The following OR7E24 variants were observed in gnomAD, a reference collection of about 807,000 sequenced individuals.
OR7E24 encodes olfactory receptor family 7 subfamily E member 24, also known as olfactory receptor 7E24.
For missense variants in OR7E24, 385 were observed against 410.3 expected, an observed-to-expected ratio of 0.94 and a Z score of 0.53; for synonymous variants, 130 against 157.5, an observed-to-expected ratio of 0.83 and a Z score of 1.31.
chr19:9,247,587 G>A (rs2066134061), upstream of OR7E24: 1 of 398,616 alleles, frequency 2.5e-6, no homozygotes. Context: ...TGGGGTGGCA[G>A]ATGGGAGGAC....
At chr19:9,247,226 G>T, upstream of OR7E24, 1 of 366,112 alleles carries the variant, frequency 2.7e-6, no homozygotes, top group Non-Finnish European at 4.8e-6. Flanking sequence ...GTTAATATGG[G>T]GCAGTCCTTA....
chr19:9,233,648 C>T, the OR7E24 span, among the ~76,000 whole-genome samples: 1 of 152,170 alleles, frequency 6.6e-6, no homozygotes, highest in African/African-American at 2.4e-5. Flanking sequence ...TATTCATCTT[C>T]ACCAGAATTC....
At position 9,251,307 on chromosome 19, in the gene OR7E24, C is replaced by T; in HGVS notation, c.264C>T (p.Asp88=). 1 of 1,614,116 alleles carries T rather than the reference C, an allele frequency of 6.2e-7. No homozygotes were observed. The highest frequency in any genetic ancestry group is 8.5e-7 in the Non-Finnish European group (1 of 1,180,010). The change falls in exon 1 of 1, where the codon GAC becomes GAT. Residue 88 remains aspartate, a synonymous_variant. Transcript: ENST00000456448. The part of the protein sequence containing the change: ...YFFLSNLSLA[D]IGFTSTTVPK... ...TCCTCTCCAACCTGTCCTTGGCTGA[C>T]ATCGGTTTCACCTCCACCACGGTCC...
chr19:9,214,149 G>A, the OR7E24 span: 1 of 1,614,134 alleles, frequency 6.2e-7, no homozygotes, highest in Non-Finnish European at 8.5e-7. Context: ...GCCCTTGGTG[G>A]AGGACATTCC....
chr19:9,234,858 A>C, the OR7E24 span, among the ~76,000 whole-genome samples: 1 of 152,262 alleles, frequency 6.6e-6, no homozygotes, highest in Non-Finnish European at 1.5e-5. Context: ...ATCAAAAGAC[A>C]TGGCGAGTCT....
chr19:9,222,261 A>C, the OR7E24 span, among the ~76,000 whole-genome samples: 2 of 152,270 alleles, frequency 1.3e-5, no homozygotes, highest in East Asian at 3.9e-4. Context: ...TGATGCCTCC[A>C]GCTTTGTTAT....
At chr19:9,214,128 G>A in the OR7E24 span, 1 of 1,614,090 alleles carries the variant, frequency 6.2e-7, no homozygotes, top group East Asian at 2.2e-5. Flanking sequence ...GGTGGAAAAG[G>A]CTTTGTACTT....
chr19:9,226,417 G>A, the OR7E24 span, among the ~76,000 whole-genome samples: 1 of 152,198 alleles, frequency 6.6e-6, no homozygotes, highest in African/African-American at 2.4e-5. Context: ...TGTTTGTCCT[G>A]ATTGGCTAGC....
the OR7E24 span, among the ~76,000 whole-genome samples, chr19:9,232,718 C>T: frequency 6.6e-6 from 1 of 152,078 alleles, no homozygotes; most frequent in South Asian, 2.1e-4. Context: ...GAGAGCTTTT[C>T]TCTTTCTCTC....
chr19:9,211,413 A>G, the OR7E24 span: 1 of 152,378 alleles, frequency 6.6e-6, no homozygotes, highest in South Asian at 2.1e-4. Context: ...ACATAGATCA[A>G]TCAGACAGAA....
upstream of OR7E24, among the ~76,000 whole-genome samples, chr19:9,248,116 C>T (rs1258343484): frequency 6.6e-6 from 1 of 152,146 alleles, no homozygotes; most frequent in African/African-American, 2.4e-5. Context: ...CCATAGACAT[C>T]TCACCCAGGA....
the OR7E24 span, among the ~76,000 whole-genome samples, chr19:9,238,227 T>G: frequency 6.6e-6 from 1 of 151,306 alleles, no homozygotes. Flanking sequence ...GAGCCAAGAT[T>G]GCATCACTGT....
At chr19:9,248,383 T>C (rs567415154), upstream of OR7E24, among the ~76,000 whole-genome samples, 1 of 152,210 alleles carries the variant, frequency 6.6e-6, no homozygotes, top group Non-Finnish European at 1.5e-5. Flanking sequence ...CATTTTTATA[T>C]AGCTCGTACC....
At chr19:9,225,187 C>T in the OR7E24 span, among the ~76,000 whole-genome samples, 1 of 152,044 alleles carries the variant, frequency 6.6e-6, no homozygotes, top group African/African-American at 2.4e-5. Flanking sequence ...CCAGCCTGAC[C>T]AACATGGGGA....
upstream of OR7E24, among the ~76,000 whole-genome samples, chr19:9,248,599 G>A (rs1246772486): frequency 6.6e-6 from 1 of 152,166 alleles, no homozygotes; most frequent in Non-Finnish European, 1.5e-5. Context: ...CACGTTCACT[G>A]TGTCAAGTAT....
chr19:9,229,434 C>T, the OR7E24 span, among the ~76,000 whole-genome samples: 1,140 of 151,680 alleles, frequency 7.5e-3, 19 homozygotes, highest in African/African-American at 0.025. Flanking sequence ...ACTCAGGAGA[C>T]TGAGGCAGGA....
the OR7E24 span, among the ~76,000 whole-genome samples, chr19:9,232,758 T>C: frequency 6.6e-6 from 1 of 152,024 alleles, no homozygotes; most frequent in African/African-American, 2.4e-5. Flanking sequence ...TTAAACCCAA[T>C]CCTTGTTTGT....
At chr19:9,208,387 G>A in the OR7E24 span, 1 of 152,166 alleles carries the variant, frequency 6.6e-6, no homozygotes, top group African/African-American at 2.4e-5. Flanking sequence ...GTATGTTGGA[G>A]TTGTCTGCAA....
At chr19:9,249,147 G>C (rs758868), upstream of OR7E24, among the ~76,000 whole-genome samples, 2,600 of 152,258 alleles carry the variant, frequency 0.017, 63 homozygotes, top group Admixed American at 0.057. Flanking sequence ...AAATATCCAG[G>C]AACCTAGCTA....
Sources: allele counts gnomAD v4.1 joint callset (sites outside exome capture counted in the v4.1 genomes callset), GRCh38; gene constraint gnomAD v4.1.1; transcripts MANE v1.5; gene names NCBI Gene and HGNC (gene_info 2026-07-23, HGNC 2026-07-21).